Variants in BCKDHB observed in about 807,000 individuals in gnomAD.
BCKDHB encodes the protein branched chain keto acid dehydrogenase E1 subunit beta.
BCKDHB carries 41 observed loss-of-function variants against 48.5 expected under a neutral mutation model. The ratio of observed to expected loss-of-function variants is 0.85; its 90% CI spans 0.66 to 1.10. BCKDHB has a LOEUF of 1.10. Ranked by LOEUF, BCKDHB falls within the 50% of genes least tolerant of loss-of-function variation. The pLI, the probability that BCKDHB is intolerant of heterozygous loss-of-function variation, is 0.00. For missense variants in BCKDHB, 496 were observed against 494.2 expected, an observed-to-expected ratio of 1.00 and a Z score of -0.03; for synonymous variants, 201 against 174.8, an observed-to-expected ratio of 1.15 and a Z score of -1.18.
chr6:80,201,489 C>A (rs1263305102), intron 7 of BCKDHB, among the ~76,000 whole-genome samples: 1 of 152,064 alleles, frequency 6.6e-6, no homozygotes, highest in Admixed American at 6.6e-5. Context: ...CATGTGGTGG[C>A]CATAAATATA....
At chr6:80,250,982 T>G (rs1389973985) in intron 8 of BCKDHB, among the ~76,000 whole-genome samples, 1 of 152,196 alleles carries the variant, frequency 6.6e-6, no homozygotes, top group East Asian at 1.9e-4. Flanking sequence ...TCAGGAATTA[T>G]GTGATAACTA....
chr6:80,338,524 C>T (rs1445926506), intron 9 of BCKDHB, among the ~76,000 whole-genome samples: 1 of 152,176 alleles, frequency 6.6e-6, no homozygotes, highest in Non-Finnish European at 1.5e-5. Context: ...CTTCCTCATA[C>T]AGGCCTTACG....
Position 80,244,849 on chromosome 6 carries a change from C to A in BCKDHB, c.952-28286C>A, listed in dbSNP as rs145831286. 1.6e-3 allele frequency among the ~76,000 whole-genome samples: 242 copies of A among 152,270 alleles called. 3 individuals carry two copies. The highest frequency in any genetic ancestry group is 5.6e-3 in the African/African-American group (231 of 41,554). On this transcript the variant is annotated intron_variant, in intron 8 of 9. Transcript: ENST00000320393. ...AGATAACTGTTTCTTTAATTGGATT[C>A]TCATGGAATATTGGTTTAAAATATG...
intron 8 of BCKDHB, among the ~76,000 whole-genome samples, chr6:80,207,073 A>G (rs1774700493): frequency 6.6e-6 from 1 of 152,006 alleles, no homozygotes; most frequent in South Asian, 2.1e-4. Context: ...GCTCTCACTA[A>G]AAGAAGGTAC....
chr6:80,161,877 A>G (rs954956555), intron 3 of BCKDHB, among the ~76,000 whole-genome samples: 2 of 152,088 alleles, frequency 1.3e-5, no homozygotes, highest in Non-Finnish European at 2.9e-5. Flanking sequence ...CATTCCAACA[A>G]TCTTTTGACC....
At chr6:80,409,058 T>A in the BCKDHB span, among the ~76,000 whole-genome samples, 1 of 152,146 alleles carries the variant, frequency 6.6e-6, no homozygotes, top group African/African-American at 2.4e-5. Context: ...GTCCCAGAGG[T>A]CCTGGTATGT....
At chr6:80,423,369 T>A in the BCKDHB span, among the ~76,000 whole-genome samples, 6 of 152,222 alleles carry the variant, frequency 3.9e-5, no homozygotes, top group African/African-American at 1.2e-4. Flanking sequence ...AACAGACTAA[T>A]ACAGGCTCTA....
At chr6:80,439,648 A>G in the BCKDHB span, among the ~76,000 whole-genome samples, 3 of 152,192 alleles carry the variant, frequency 2.0e-5, no homozygotes, top group Admixed American at 6.5e-5. Flanking sequence ...GGGCTAAACA[A>G]AAACAAATTT....
the BCKDHB span, among the ~76,000 whole-genome samples, chr6:80,448,517 T>C: frequency 1.6e-4 from 25 of 152,138 alleles, no homozygotes; most frequent in East Asian, 4.2e-3. Context: ...TAGAGCAAAT[T>C]GGAAGGATCC....
chr6:80,115,719 C>T (rs976726555), intron 1 of BCKDHB, among the ~76,000 whole-genome samples: 1 of 151,770 alleles, frequency 6.6e-6, no homozygotes, highest in Admixed American at 6.6e-5. Context: ...CCACTGCAGG[C>T]TCTGCCTCCC....
intron 9 of BCKDHB, among the ~76,000 whole-genome samples, chr6:80,299,838 G>A (rs903763073): frequency 6.6e-6 from 1 of 152,116 alleles, no homozygotes; most frequent in African/African-American, 2.4e-5. Flanking sequence ...ATGGGGAAAA[G>A]GTTAAAATAA....
At chr6:80,132,794 A>G (rs1312458786) in intron 3 of BCKDHB, among the ~76,000 whole-genome samples, 2 of 152,186 alleles carry the variant, frequency 1.3e-5, no homozygotes, top group East Asian at 3.9e-4. Context: ...AGAGTAAGTG[A>G]GCTTCTGTTT....
intron 8 of BCKDHB, among the ~76,000 whole-genome samples, chr6:80,244,966 G>T (rs954245691): frequency 2.0e-5 from 3 of 152,128 alleles, no homozygotes; most frequent in Non-Finnish European, 4.4e-5. Flanking sequence ...ACAAACTTTT[G>T]TTGAGCATCT....
intron 9 of BCKDHB, 110 bp downstream of exon 9, chr6:80,273,331 TGTA>T (rs1562194184): frequency 2.2e-6 from 2 of 920,502 alleles, no homozygotes; most frequent in African/African-American, 1.6e-5. Context: ...TTTATGGAAA[TGTA>T]GTGCATGCTT....
At chr6:80,452,916 G>C in the BCKDHB span, among the ~76,000 whole-genome samples, 5 of 150,590 alleles carry the variant, frequency 3.3e-5, no homozygotes, top group Non-Finnish European at 5.9e-5. Flanking sequence ...TTCTTCTACA[G>C]TTAGTGCCGT....
intron 6 of BCKDHB, among the ~76,000 whole-genome samples, chr6:80,175,782 C>G (rs1233221121): frequency 6.6e-6 from 1 of 152,096 alleles, no homozygotes; most frequent in African/African-American, 2.4e-5. Context: ...CTAGAAGAAG[C>G]AAAACTGAAA....
chr6:80,320,260 G>A (rs923442104), intron 9 of BCKDHB, among the ~76,000 whole-genome samples: 3 of 152,054 alleles, frequency 2.0e-5, no homozygotes, highest in Non-Finnish European at 2.9e-5. Context: ...AAAAATTTTT[G>A]TGTTCCACAG....
chr6:80,343,299 T>G (rs1399935509), intron 9 of BCKDHB, among the ~76,000 whole-genome samples: 1 of 152,070 alleles, frequency 6.6e-6, no homozygotes, highest in Non-Finnish European at 1.5e-5. Context: ...AAACAGAAAA[T>G]GAGAAGGTAT....
chr6:80,405,487 G>A, the BCKDHB span, among the ~76,000 whole-genome samples: 1 of 151,900 alleles, frequency 6.6e-6, no homozygotes, highest in Admixed American at 6.6e-5. Flanking sequence ...TCATTCGGTC[G>A]CTATGCCTTT....
Sources: allele counts gnomAD v4.1 joint callset (sites outside exome capture counted in the v4.1 genomes callset), GRCh38; gene constraint gnomAD v4.1.1; transcripts MANE v1.5; gene names NCBI Gene and HGNC (gene_info 2026-07-23, HGNC 2026-07-21).